The following TRPM7 variants were observed in gnomAD, a reference collection of about 807,000 sequenced individuals.
TRPM7 encodes transient receptor potential cation channel subfamily M member 7, also known as LTRPC ion channel family member 7.
A neutral mutation model predicts 229.7 loss-of-function variants in TRPM7; 134 were observed. The ratio of observed to expected loss-of-function variants is 0.58; its 90% CI spans 0.51 to 0.67. The LOEUF (loss-of-function observed/expected upper bound fraction) is 0.67, where lower values mean the gene tolerates loss of function less well. TRPM7 is among the 30% of genes least tolerant of loss of function. The probability of loss-of-function intolerance (pLI) is 0.00; values close to 1 mark genes in which losing one functional copy is unlikely to be tolerated. For missense variants in TRPM7, 1,901 were observed against 2,210.0 expected, an observed-to-expected ratio of 0.86 and a Z score of 2.80; for synonymous variants, 699 against 715.2, an observed-to-expected ratio of 0.98 and a Z score of 0.36.
At chr15:50,607,715 C>T (rs1004114947) in intron 19 of TRPM7, among the ~76,000 whole-genome samples, 4 of 151,888 alleles carry the variant, frequency 2.6e-5, no homozygotes, top group African/African-American at 7.3e-5. Context: ...CACATGTTTC[C>T]TGCCTCCTTC....
chr15:50,634,083 C>T (rs903378230), intron 8 of TRPM7, among the ~76,000 whole-genome samples: 28 of 152,150 alleles, frequency 1.8e-4, no homozygotes, highest in Non-Finnish European at 1.3e-4. Flanking sequence ...CTTTGGGAGG[C>T]TGAGGCAGGT....
At chr15:50,615,395 T>C (rs564395016) in intron 13 of TRPM7, among the ~76,000 whole-genome samples, 5 of 152,258 alleles carry the variant, frequency 3.3e-5, no homozygotes, top group South Asian at 4.1e-4. Flanking sequence ...GCTTGCAACA[T>C]TGTTTAAAGA....
intron 28 of TRPM7, among the ~76,000 whole-genome samples, chr15:50,585,093 C>G (rs921662736): frequency 4.1e-5 from 5 of 122,720 alleles, no homozygotes; most frequent in Admixed American, 2.3e-4. Flanking sequence ...CTCGCTCTGT[C>G]GCCCAGGCCG....
intron 1 of TRPM7, among the ~76,000 whole-genome samples, chr15:50,674,215 C>T (rs2140966013): frequency 6.6e-6 from 1 of 152,322 alleles, no homozygotes; most frequent in South Asian, 2.1e-4. Context: ...TCTCAAACCC[C>T]TGACCTCAAG....
At chr15:50,653,648 A>G (rs932002100) in intron 3 of TRPM7, among the ~76,000 whole-genome samples, 1 of 152,180 alleles carries the variant, frequency 6.6e-6, no homozygotes, top group African/African-American at 2.4e-5. Context: ...TAGGCAGAAA[A>G]CAGTAGACAC....
chr15:50,586,159 T>C (rs1450445252), intron 28 of TRPM7, among the ~76,000 whole-genome samples: 1 of 152,150 alleles, frequency 6.6e-6, no homozygotes, highest in Non-Finnish European at 1.5e-5. Context: ...TTACAAAAAG[T>C]TTTTCTATTC....
rs2062145171 is a variant in TRPM7, at chr15:50,678,257, A to AG, written c.3+8273_3+8274insC. On this transcript the variant is annotated intron_variant, in intron 1 of 38. Coordinates refer to ENST00000646667, the MANE Select transcript of TRPM7 (RefSeq NM_017672.6). ...TCTCTCTCAAAAAAAAAAAACAAAA[A>AG]CAAAAACAAAAACAAAAACAAAAAC... Among the ~76,000 whole-genome samples, 2 of 133,394 alleles carry AG rather than the reference A, an allele frequency of 1.5e-5. 1 individual carries two copies. Among genetic ancestry groups the AG allele is most frequent in the South Asian group, 4.7e-4 (2 of 4,238 alleles). 87.5% of individuals were successfully genotyped at this position (133,394 alleles called of 152,430 possible). A position where few individuals can be genotyped will look rare whatever the true frequency, so the allele number is the denominator to read the frequency against.
At chr15:50,619,638 T>G (rs1052289568) in intron 13 of TRPM7, 107 bp downstream of exon 13, 2 of 967,726 alleles carry the variant, frequency 2.1e-6, no homozygotes, top group African/African-American at 1.7e-5. Flanking sequence ...AACTGTAATT[T>G]TATTGGTATT....
At chr15:50,575,822 T>C (rs775847769) in intron 32 of TRPM7, 33 bp from the exon 33 acceptor site, 1 of 1,612,648 alleles carries the variant, frequency 6.2e-7, no homozygotes, top group African/African-American at 1.3e-5. Flanking sequence ...TAATTAAATC[T>C]GTAAAGGTCC....
At chr15:50,615,439 G>A (rs1360716893) in intron 13 of TRPM7, among the ~76,000 whole-genome samples, 1 of 151,984 alleles carries the variant, frequency 6.6e-6, no homozygotes, top group Non-Finnish European at 1.5e-5. Flanking sequence ...ATTTACAAAT[G>A]CACTTTTGGA....
chr15:50,565,828 G>T (rs983688711), intron 38 of TRPM7, among the ~76,000 whole-genome samples: 2,167 of 145,892 alleles, frequency 0.015, 21 homozygotes, highest in Non-Finnish European at 0.023. Flanking sequence ...AACTCTTTTT[G>T]TTTTTTTTTT....
At chr15:50,652,883 C>G (rs919734368) in intron 3 of TRPM7, among the ~76,000 whole-genome samples, 1 of 152,060 alleles carries the variant, frequency 6.6e-6, no homozygotes, top group Non-Finnish European at 1.5e-5. Context: ...AAGACTAGGC[C>G]GGGCACACTG....
rs1283327297 is a variant in TRPM7 at position 50,580,864 on chromosome 15, G to C, written c.4592+10C>G. 3 of 1,580,606 alleles carry C rather than the reference G, an allele frequency of 1.9e-6. No individual in the cohort carries two copies. Among genetic ancestry groups the C allele is most frequent in the Admixed American group, 3.9e-5 (2 of 51,276 alleles). On this transcript the variant is annotated intron_variant, in intron 30 of 38. Transcript: ENST00000646667. ...CTTCGCAAGCTAATGGTAAGAAAAA[G>C]CTTACTTACATTTCTCTGTTTGATG... is the stretch of plus-strand genomic sequence containing the variant.
chr15:50,574,125 A>G (rs1379239866), intron 36 of TRPM7, 149 bp downstream of exon 36: 2 of 635,014 alleles, frequency 3.1e-6, no homozygotes, highest in East Asian at 5.5e-5. Flanking sequence ...CCTGATGGCT[A>G]TATGCTATGA....
intron 3 of TRPM7, among the ~76,000 whole-genome samples, chr15:50,649,371 C>T (rs1486419433): frequency 6.6e-6 from 1 of 151,162 alleles, no homozygotes; most frequent in Non-Finnish European, 1.5e-5. Context: ...CCCGTCAGGG[C>T]TGCAGTTAGC....
chr15:50,595,827 C>T (rs1181981946), intron 23 of TRPM7, among the ~76,000 whole-genome samples: 1 of 151,964 alleles, frequency 6.6e-6, no homozygotes, highest in Non-Finnish European at 1.5e-5. Flanking sequence ...TTGTGCCACT[C>T]CAACCTGGGT....
intron 38 of TRPM7, among the ~76,000 whole-genome samples, chr15:50,567,073 C>T (rs2053632661): frequency 6.6e-6 from 1 of 151,846 alleles, no homozygotes; most frequent in South Asian, 2.1e-4. Flanking sequence ...CCTTAAAAGA[C>T]ACAAACTACC....
intron 27 of TRPM7, among the ~76,000 whole-genome samples, chr15:50,587,069 A>T (rs1346962763): frequency 6.6e-6 from 1 of 152,130 alleles, no homozygotes; most frequent in African/African-American, 2.4e-5. Context: ...AGTTGGAAAA[A>T]TATACAAAAC....
chr15:50,655,000 C>CAAAAAAAAAAAAAAAA (rs35388005), intron 3 of TRPM7, among the ~76,000 whole-genome samples: 1 of 69,448 alleles, frequency 1.4e-5, no homozygotes, highest in Non-Finnish European at 2.7e-5. Flanking sequence ...CACTCCGTCT[C>CAAAAAAAAAAAAAAAA]AAAAAAAAAA....
Sources: allele counts gnomAD v4.1 joint callset (sites outside exome capture counted in the v4.1 genomes callset), GRCh38; gene constraint gnomAD v4.1.1; transcripts MANE v1.5; gene names NCBI Gene and HGNC (gene_info 2026-07-23, HGNC 2026-07-21).